MAGI3: variants seen among roughly 807,000 people sequenced by gnomAD.
The protein encoded by MAGI3 is membrane associated guanylate kinase, WW and PDZ domain containing 3.
In MAGI3, 43 loss-of-function variants were observed where a neutral mutation model predicts 121.8. The observed-to-expected ratio is 0.35, with a 90% confidence interval of 0.28 to 0.46. MAGI3 has a LOEUF of 0.46. Among genes scored for constraint, MAGI3 ranks in the 20% least tolerant of loss-of-function variants. The pLI is 1.00. For synonymous variants in MAGI3, 553 were observed against 639.3 expected (o/e 0.86, Z 2.04); for missense variants, 1,547 against 1,797.3 (o/e 0.86, Z 2.52).
intron 1 of MAGI3, among the ~76,000 whole-genome samples, chr1:113,528,488 A>G (rs1187460011): frequency 6.6e-6 from 1 of 152,178 alleles, no homozygotes; most frequent in Non-Finnish European, 1.5e-5. Flanking sequence ...CATAGATGAC[A>G]CTGTAAACTT....
At chr1:113,504,751 G>A (rs774507116) in intron 1 of MAGI3, among the ~76,000 whole-genome samples, 36 of 152,076 alleles carry the variant, frequency 2.4e-4, no homozygotes, top group Non-Finnish European at 4.9e-4. Context: ...TATGTACAAG[G>A]ATGTTTATTT....
Position 113,622,955 on chromosome 1 carries a change from A to G in MAGI3, c.1321A>G (p.Lys441Glu), listed in dbSNP as rs1254116963. Residue 441 changes from lysine (K) to glutamate (E), a missense_variant, in exon 9 of 21, where the codon AAA (lysine) becomes GAA (glutamate). Coordinates refer to ENST00000307546, the MANE Select transcript of MAGI3 (RefSeq NM_001142782.2). ...GTTCCTACAAGTGAAAAATGTGCTG[A>G]AAGATGGTCCCGCAGCTCAGGATGG... ...DEFLQVKNVL[K>E]DGPAAQDGKI... 6.4e-7 allele frequency: 1 copy of G among 1,565,792 alleles called. No individual in the cohort carries two copies. The highest frequency in any genetic ancestry group is 8.6e-7 in the Non-Finnish European group (1 of 1,163,592).
intron 1 of MAGI3, among the ~76,000 whole-genome samples, chr1:113,418,197 A>G (rs531359487): frequency 7.9e-5 from 12 of 152,174 alleles, no homozygotes; most frequent in Non-Finnish European, 1.6e-4. Context: ...TTATGTGTCT[A>G]GCATTCAAGA....
chr1:113,497,366 C>A (rs1570761535), intron 1 of MAGI3, among the ~76,000 whole-genome samples: 1 of 113,486 alleles, frequency 8.8e-6, no homozygotes, highest in Non-Finnish European at 1.8e-5. Context: ...GCACCGTGCG[C>A]GAGCCGAAGC....
intron 1 of MAGI3, among the ~76,000 whole-genome samples, chr1:113,437,892 C>G (rs1218066066): frequency 1.8e-4 from 1 of 5,698 alleles, no homozygotes; most frequent in Non-Finnish European, 3.4e-4. Flanking sequence ...TTCTCCTTCT[C>G]CTTCTCCTTC....
At chr1:113,618,739 C>G (rs1478004397) in intron 7 of MAGI3, 1 of 232,786 alleles carries the variant, frequency 4.3e-6, no homozygotes, top group African/African-American at 2.4e-5. Context: ...CTCTTGACCT[C>G]GTGATCTGCC....
At chr1:113,506,849 G>A (rs993358218) in intron 1 of MAGI3, among the ~76,000 whole-genome samples, 8 of 152,152 alleles carry the variant, frequency 5.3e-5, no homozygotes, top group Non-Finnish European at 7.4e-5. Context: ...GCAAGCAGGT[G>A]GGGAGTCGAT....
chr1:113,620,413 C>T (rs548331252), intron 8 of MAGI3, among the ~76,000 whole-genome samples: 64 of 152,150 alleles, frequency 4.2e-4, no homozygotes, highest in Admixed American at 9.2e-4. Flanking sequence ...ACTTATCCCT[C>T]CCCATCCCTT....
intron 1 of MAGI3, among the ~76,000 whole-genome samples, chr1:113,415,259 A>G (rs1208411492): frequency 6.6e-6 from 1 of 152,086 alleles, no homozygotes; most frequent in Non-Finnish European, 1.5e-5. Flanking sequence ...TTTAAAGGAA[A>G]GTAGGAATGT....
chr1:113,678,372 TTTTG>T (rs1648006723), intron 19 of MAGI3, among the ~76,000 whole-genome samples: 1 of 152,232 alleles, frequency 6.6e-6, no homozygotes, highest in African/African-American at 2.4e-5. Context: ...AAGTATTGGC[TTTTG>T]TTTCACTTAT....
chr1:113,453,766 T>A (rs1324341372), intron 1 of MAGI3, among the ~76,000 whole-genome samples: 1 of 152,240 alleles, frequency 6.6e-6, no homozygotes, highest in Non-Finnish European at 1.5e-5. Context: ...GATAGGCCTT[T>A]ATGGCTAAGA....
intron 1 of MAGI3, among the ~76,000 whole-genome samples, chr1:113,473,635 ATG>A (rs935913630): frequency 2.0e-4 from 30 of 152,278 alleles, no homozygotes; most frequent in African/African-American, 7.0e-4. Context: ...CATGGTGTAT[ATG>A]TGCCACATTT....
intron 1 of MAGI3, among the ~76,000 whole-genome samples, chr1:113,539,790 CTTTT>C (rs1164684531): frequency 7.3e-6 from 1 of 137,464 alleles, no homozygotes; most frequent in Non-Finnish European, 1.6e-5. Flanking sequence ...TGAAGCATTA[CTTTT>C]TTTTTTTTTT....
chr1:113,679,160 C>T (rs1239824328), intron 19 of MAGI3, among the ~76,000 whole-genome samples: 1 of 152,058 alleles, frequency 6.6e-6, no homozygotes, highest in Non-Finnish European at 1.5e-5. Context: ...AGGTATATTG[C>T]ATGATTCTGA....
chr1:113,443,206 G>A (rs1261020527), intron 1 of MAGI3, among the ~76,000 whole-genome samples: 1 of 152,004 alleles, frequency 6.6e-6, no homozygotes. Context: ...TATACAGCCC[G>A]CTGGTTCTGT....
chr1:113,608,119 T>TA (rs1649904369), intron 6 of MAGI3, among the ~76,000 whole-genome samples: 2 of 152,148 alleles, frequency 1.3e-5, no homozygotes, highest in South Asian at 4.1e-4. Flanking sequence ...TTGTAGCAGT[T>TA]ATATTGCATT....
intron 14 of MAGI3, among the ~76,000 whole-genome samples, chr1:113,653,360 T>G (rs1260176891): frequency 6.6e-6 from 1 of 152,078 alleles, no homozygotes; most frequent in Non-Finnish European, 1.5e-5. Context: ...GATCATGAGG[T>G]CAGGAGTTCG....
At chr1:113,393,998 T>C (rs916466264) in intron 1 of MAGI3, among the ~76,000 whole-genome samples, 3 of 152,198 alleles carry the variant, frequency 2.0e-5, no homozygotes, top group African/African-American at 7.2e-5. Context: ...AATGTTCTCA[T>C]ATTGTCTTCT....
At chr1:113,553,171 CAG>C (rs1272936362) in intron 2 of MAGI3, among the ~76,000 whole-genome samples, 2 of 152,136 alleles carry the variant, frequency 1.3e-5, no homozygotes, top group Non-Finnish European at 2.9e-5. Flanking sequence ...AGACCACACA[CAG>C]AGGAATCCTA....
Sources: gnomAD v4.1 joint callset for allele counts (sites outside exome capture counted in the v4.1 genomes callset) on GRCh38, gnomAD v4.1.1 for gene constraint, MANE v1.5 for transcripts, NCBI Gene and HGNC (gene_info 2026-07-23, HGNC 2026-07-21) for gene names.